The following NRG3 variants were observed in gnomAD, a reference collection of about 807,000 sequenced individuals.
NRG3 encodes neuregulin 3.
NRG3 carries 31 observed loss-of-function variants against 66.9 expected under a neutral mutation model. The ratio of observed to expected loss-of-function variants is 0.46; its 90% CI spans 0.35 to 0.63. NRG3 has a LOEUF of 0.63. Ranked by LOEUF, NRG3 falls within the 20% of genes least tolerant of loss-of-function variation. The probability of loss-of-function intolerance (pLI) is 0.00; values close to 1 mark genes in which losing one functional copy is unlikely to be tolerated. For missense variants in NRG3, 910 were observed against 878.9 expected, an observed-to-expected ratio of 1.04 and a Z score of -0.45; for synonymous variants, 393 against 359.4, an observed-to-expected ratio of 1.09 and a Z score of -1.06.
intron 2 of NRG3, among the ~76,000 whole-genome samples, chr10:82,380,862 A>C (rs954051658): frequency 1.3e-5 from 2 of 152,100 alleles, no homozygotes; most frequent in African/African-American, 4.8e-5. Context: ...TCCTAGAATA[A>C]ATTTTGTAAT....
chr10:82,532,680 A>G (rs560377596), intron 2 of NRG3, among the ~76,000 whole-genome samples: 1 of 150,336 alleles, frequency 6.7e-6, no homozygotes, highest in Admixed American at 6.6e-5. Flanking sequence ...TTAATCTATG[A>G]AAATTTAAGT....
At chr10:82,696,908 C>G (rs183381149) in intron 2 of NRG3, among the ~76,000 whole-genome samples, 6 of 152,162 alleles carry the variant, frequency 3.9e-5, no homozygotes, top group African/African-American at 1.2e-4. Flanking sequence ...TTAAAGGCCA[C>G]TGTTTATGAT....
At chr10:82,436,322 G>A (rs2090136172) in intron 2 of NRG3, among the ~76,000 whole-genome samples, 1 of 151,890 alleles carries the variant, frequency 6.6e-6, no homozygotes, top group African/African-American at 2.4e-5. Flanking sequence ...ATCTTTGTTG[G>A]CTGAAAGTGT....
intron 1 of NRG3, among the ~76,000 whole-genome samples, chr10:82,344,903 T>A (rs1364036038): frequency 8.6e-6 from 1 of 116,832 alleles, no homozygotes; most frequent in Non-Finnish European, 1.6e-5. Flanking sequence ...CACTTTTTGA[T>A]GGGGTTGTTT....
At chr10:82,333,394 A>T (rs2082235832) in intron 1 of NRG3, among the ~76,000 whole-genome samples, 1 of 152,226 alleles carries the variant, frequency 6.6e-6, no homozygotes, top group African/African-American at 2.4e-5. Context: ...TACACAGCTG[A>T]ATTGACTCTG....
At chr10:82,966,246 G>A (rs1851197121) in intron 6 of NRG3, among the ~76,000 whole-genome samples, 1 of 152,088 alleles carries the variant, frequency 6.6e-6, no homozygotes, top group South Asian at 2.1e-4. Context: ...TCTAATCCCA[G>A]GTACCGCATT....
At position 82,801,877 on chromosome 10, in the gene NRG3, A is replaced by G. The variant is rs115309106; in HGVS notation, c.1027+63227A>G. On this transcript the variant is annotated intron_variant, in intron 3 of 8. Coordinates refer to ENST00000372141, the MANE Select transcript of NRG3 (RefSeq NM_001010848.4). ...AATAGACACATTCAATGTAACACTC[A>G]ACATGATCCATTGCTATCCCATGCT... 3.6e-3 allele frequency among the ~76,000 whole-genome samples: 548 copies of G among 152,298 alleles called. 5 individuals are homozygous for G. The highest frequency in any genetic ancestry group is 0.013 in the African/African-American group (524 of 41,554).
At chr10:82,251,876 A>G (rs1384610091) in intron 1 of NRG3, among the ~76,000 whole-genome samples, 1 of 152,126 alleles carries the variant, frequency 6.6e-6, no homozygotes. Flanking sequence ...TTGTCCTGAC[A>G]ACTCTCTGGC....
intron 1 of NRG3, among the ~76,000 whole-genome samples, chr10:82,025,124 TAAG>T (rs1173170937): frequency 3.3e-5 from 5 of 151,954 alleles, no homozygotes. Flanking sequence ...TTCAAATAAT[TAAG>T]AAGAAATTGT....
At chr10:81,901,489 G>A (rs73319131) in intron 1 of NRG3, among the ~76,000 whole-genome samples, 3,036 of 152,052 alleles carry the variant, frequency 0.02, 80 homozygotes, top group African/African-American at 0.063. Context: ...GCAACATAGC[G>A]AGATGCCGTC....
At chr10:81,901,865 T>C (rs1382425558) in intron 1 of NRG3, among the ~76,000 whole-genome samples, 1 of 152,192 alleles carries the variant, frequency 6.6e-6, no homozygotes, top group Non-Finnish European at 1.5e-5. Flanking sequence ...ATGATTTTTA[T>C]AGAAAGAACA....
intron 1 of NRG3, among the ~76,000 whole-genome samples, chr10:82,204,806 A>C (rs989462220): frequency 1.3e-5 from 2 of 152,180 alleles, no homozygotes; most frequent in Non-Finnish European, 2.9e-5. Context: ...AAAACAGTGA[A>C]GTGGCTATTT....
chr10:82,290,637 G>A (rs2079672745), intron 1 of NRG3, among the ~76,000 whole-genome samples: 1 of 112,482 alleles, frequency 8.9e-6, no homozygotes, highest in Non-Finnish European at 1.7e-5. Context: ...GACTTCAAAT[G>A]ATTTTTTTTT....
At chr10:82,786,819 C>T (rs915142981) in intron 3 of NRG3, among the ~76,000 whole-genome samples, 2 of 152,082 alleles carry the variant, frequency 1.3e-5, no homozygotes, top group Admixed American at 1.3e-4. Context: ...TAGGTTAATG[C>T]CATCATTGCA....
chr10:82,904,664 C>T (rs965754549), intron 4 of NRG3, among the ~76,000 whole-genome samples: 1 of 151,904 alleles, frequency 6.6e-6, no homozygotes, highest in African/African-American at 2.4e-5. Flanking sequence ...ATGGGATATG[C>T]CTATATCAAA....
intron 1 of NRG3, among the ~76,000 whole-genome samples, chr10:82,039,583 A>G (rs1365603775): frequency 6.6e-6 from 1 of 152,088 alleles, no homozygotes; most frequent in East Asian, 1.9e-4. Context: ...CTCTTTAGTC[A>G]TTTGAGAACC....
intron 1 of NRG3, among the ~76,000 whole-genome samples, chr10:82,047,389 A>G (rs973349277): frequency 3.3e-5 from 5 of 152,142 alleles, no homozygotes; most frequent in African/African-American, 1.2e-4. Context: ...CCATCAGACT[A>G]ACAGCGGATC....
intron 1 of NRG3, among the ~76,000 whole-genome samples, chr10:82,109,539 G>C (rs1378995129): frequency 1.8e-5 from 1 of 57,042 alleles, no homozygotes; most frequent in Non-Finnish European, 3.2e-5. Flanking sequence ...ATAAGATTGT[G>C]TGTGTGTGTG....
chr10:82,166,591 T>G (rs2072076543), intron 1 of NRG3: 2 of 299,180 alleles, frequency 6.7e-6, no homozygotes, highest in East Asian at 1.1e-4. Context: ...TTATTTTTGT[T>G]TAAGCAATCA....
Sources: gnomAD v4.1 joint callset for allele counts (sites outside exome capture counted in the v4.1 genomes callset) on GRCh38, gnomAD v4.1.1 for gene constraint, MANE v1.5 for transcripts, NCBI Gene and HGNC (gene_info 2026-07-23, HGNC 2026-07-21) for gene names.